Variants in KCNJ5 observed in about 807,000 individuals in gnomAD.
The protein encoded by KCNJ5 is G protein-activated inward rectifier potassium channel 4.
Under a neutral mutation model 20.2 loss-of-function variants are expected in KCNJ5, and 12 were observed. The ratio of observed to expected loss-of-function variants is 0.59; its 90% CI spans 0.38 to 0.96. KCNJ5 has a LOEUF of 0.96. KCNJ5 is among the 40% of genes least tolerant of loss of function. KCNJ5 has a pLI of 0.00. For synonymous variants in KCNJ5, 210 were observed against 213.9 expected, an observed-to-expected ratio of 0.98 and a Z score of 0.16; for missense variants, 449 against 557.6, an observed-to-expected ratio of 0.81 and a Z score of 1.96.
At chr11:128,899,608 A>C (rs1167289003) in intron 1 of KCNJ5, 1 of 152,208 alleles carries the variant, frequency 6.6e-6, no homozygotes, top group Non-Finnish European at 1.5e-5. Flanking sequence ...TTTATTATTT[A>C]ATGTGGAATA....
At chr11:128,896,808 AGGT>A (rs1476241012) in intron 1 of KCNJ5, among the ~76,000 whole-genome samples, 2 of 152,204 alleles carry the variant, frequency 1.3e-5, no homozygotes, top group Non-Finnish European at 2.9e-5. Context: ...GTGTGAACAT[AGGT>A]ATACAGGTTT....
At position 128,911,106 on chromosome 11, in the gene KCNJ5, T is replaced by C. The variant is rs1446523798; in HGVS notation, c.-10-158T>C. On this transcript the variant is annotated intron_variant, in intron 1 of 2. Coordinates refer to ENST00000529694, the MANE Select transcript of KCNJ5 (RefSeq NM_000890.5). The surrounding 1 kb of genome is among the most constrained non-coding windows in gnomAD (Gnocchi z 6.3). ...GCACCAGGGATACAAAAGAACCCTA[T>C]AAGAGAGTGAGGCCCCTGCCCTTGA... is the stretch of plus-strand genomic sequence containing the variant. The C allele has an allele frequency of 6.0e-6, 4 of 662,364 alleles. No homozygotes were observed. The highest frequency in any genetic ancestry group is 5.4e-5 in the African/African-American group (3 of 55,482). The allele number at this position is 662,364 out of a possible 1,614,324, so 41.0% of individuals were successfully genotyped here. A position where few individuals can be genotyped will look rare whatever the true frequency, so the allele number is the denominator to read the frequency against.
Position 128,916,443 on chromosome 11 carries a change from TAC to T in KCNJ5, c.974_975del (p.Thr325ArgfsTer20), listed in dbSNP as rs1383662425. 6.2e-7 allele frequency: 1 copy of T among 1,614,230 alleles called. No individual in the cohort carries two copies. Among genetic ancestry groups the T allele is most frequent in the African/African-American group, 1.3e-5 (1 of 75,060 alleles). The part of the protein sequence containing the change: ...TCQARSSYMD[T>X]EVLWGHRFTP... ...GCCAAGCCCGGAGCTCCTACATGGA[TAC>T]AGAGGTGCTCTGGGGCCACCGATTC... On this transcript the variant is annotated frameshift_variant, in exon 3 of 3. Coordinates refer to ENST00000529694, the MANE Select transcript of KCNJ5 (RefSeq NM_000890.5). LOFTEE classifies it low-confidence loss of function (END_TRUNC).
chr11:128,908,856 G>A (rs1350819330), intron 1 of KCNJ5, among the ~76,000 whole-genome samples: 1 of 152,114 alleles, frequency 6.6e-6, no homozygotes, highest in African/African-American at 2.4e-5. Context: ...CAGAATACAC[G>A]GGGCCTCGGG....
chr11:128,901,248 C>G (rs1391749253), intron 1 of KCNJ5: 1 of 152,260 alleles, frequency 6.6e-6, no homozygotes, highest in East Asian at 1.9e-4. Flanking sequence ...GCCATGTGGT[C>G]TCTGGCAAGT....
chr11:128,905,081 G>A (rs185741793), intron 1 of KCNJ5, among the ~76,000 whole-genome samples: 47 of 152,368 alleles, frequency 3.1e-4, no homozygotes, highest in African/African-American at 9.6e-4. Context: ...GCCCCTGGGA[G>A]GATCCTGTCC....
rs1416780786 is a variant in KCNJ5, at chr11:128,916,763, T to C, written c.*32T>C. 2.0e-6 allele frequency: 3 copies of C among 1,499,724 alleles called. No homozygotes were observed. The Admixed American group carries it at 5.9e-5, about 30-fold the overall frequency. 92.9% of individuals were successfully genotyped at this position (1,499,724 alleles called of 1,614,324 possible). On this transcript the variant is annotated 3_prime_UTR_variant, in exon 3 of 3. Transcript: ENST00000529694. ...CAGCCTCCCTAAGACCTCCTGTCACTGGCTTCAGTGAACACAGACACTGCA... is the reference window on the plus strand; with the variant it reads ...CAGCCTCCCTAAGACCTCCTGTCACCGGCTTCAGTGAACACAGACACTGCA...
rs777592481 is a variant in KCNJ5 at position 128,912,108 on chromosome 11, G to A, written c.835G>A (p.Glu279Lys). The A allele has an allele frequency of 2.5e-6, 4 of 1,613,584 alleles. No individual in the cohort carries two copies. The highest frequency in any genetic ancestry group is 1.1e-5 in the South Asian group (1 of 91,076). ...FLVSPLIISHEINQKSPFWEM... is the reference protein window; with the variant it reads ...FLVSPLIISHKINQKSPFWEM... ...TGTGTCTCCTCTGATCATCTCCCAT[G>A]AGATCAACCAGAAGAGCCCTTTCTG... The change falls in exon 2 of 3, where the codon GAG (glutamate) becomes AAG (lysine). Residue 279 changes from glutamate to lysine, a missense_variant. Coordinates refer to ENST00000529694, the MANE Select transcript of KCNJ5 (RefSeq NM_000890.5).
chr11:128,897,922 T>TC (rs2135983908), intron 1 of KCNJ5, among the ~76,000 whole-genome samples: 1 of 152,348 alleles, frequency 6.6e-6, no homozygotes, highest in South Asian at 2.1e-4. Context: ...TCCACTGAAT[T>TC]CCTTTTGCAC....
Position 128,920,638 on chromosome 11 carries a change from C to G in KCNJ5, c.*3907C>G, listed in dbSNP as rs569700114. ...AGGCACTTGATTCTCAAAACACTGC[C>G]GAGAAGCTCTTACCAACGTGACAGT... On this transcript the variant is annotated 3_prime_UTR_variant, in exon 3 of 3. Transcript: ENST00000529694. The G allele has an allele frequency of 4.6e-5, 7 of 152,276 alleles. No homozygotes were observed. Among genetic ancestry groups the G allele is most frequent in the Non-Finnish European group, 1.0e-4 (7 of 68,070 alleles). 9.4% of individuals were successfully genotyped at this position (152,276 alleles called of 1,614,324 possible). A position where few individuals can be genotyped will look rare whatever the true frequency, so the allele number is the denominator to read the frequency against.
intron 1 of KCNJ5, chr11:128,901,456 T>G (rs148977347): frequency 6.6e-6 from 1 of 152,450 alleles, no homozygotes; most frequent in East Asian, 1.9e-4. Context: ...TACAAGCTGC[T>G]GCAGGCAATG....
intron 1 of KCNJ5, among the ~76,000 whole-genome samples, chr11:128,894,183 G>GTT (rs11322063): frequency 6.8e-6 from 1 of 147,736 alleles, no homozygotes. Flanking sequence ...CTTCTGCATT[G>GTT]TTTTTTTTTT....
chr11:128,897,170 T>A (rs1202964313), intron 1 of KCNJ5, among the ~76,000 whole-genome samples: 1 of 146,624 alleles, frequency 6.8e-6, no homozygotes, highest in African/African-American at 2.5e-5. Flanking sequence ...CAATCTCGGC[T>A]CACTGCAACC....
At chr11:128,901,756 C>G (rs941569377) in intron 1 of KCNJ5, 1 of 152,304 alleles carries the variant, frequency 6.6e-6, no homozygotes, top group Non-Finnish European at 1.5e-5. Context: ...GCGTCAGTGA[C>G]AGCTCCCCAG....
At chr11:128,910,428 C>T (rs1944478942) in intron 1 of KCNJ5, among the ~76,000 whole-genome samples, 2 of 152,334 alleles carry the variant, frequency 1.3e-5, no homozygotes, top group South Asian at 4.1e-4. Flanking sequence ...CAGATGGCTG[C>T]AGACTTCACA....
intron 1 of KCNJ5, chr11:128,901,376 T>C (rs35389724): frequency 0.16 from 24,543 of 151,566 alleles, 2,431 homozygotes; most frequent in Non-Finnish European, 0.23. Flanking sequence ...CAGTCCAGAG[T>C]AGTGCACGCA....
intron 2 of KCNJ5, among the ~76,000 whole-genome samples, chr11:128,915,862 G>T (rs1944569904): frequency 1.4e-5 from 1 of 70,496 alleles, no homozygotes; most frequent in African/African-American, 7.5e-5. Context: ...CGATTAGGTA[G>T]ATGAGTGGAT....
chr11:128,909,734 T>C lies in KCNJ5; in HGVS notation c.-10-1530T>C, dbSNP rs139797577. On this transcript the variant is annotated intron_variant, in intron 1 of 2. Coordinates refer to ENST00000529694, the MANE Select transcript of KCNJ5 (RefSeq NM_000890.5). ...TTCTCGATCAGGACAGATAAGTAAG[T>C]GGGGGTTCCTGGGGGACCCTATACC... is the stretch of plus-strand genomic sequence containing the variant. 1.2e-4 allele frequency: 19 copies of C among 152,274 alleles called. No homozygotes were observed. The East Asian group carries it at 3.3e-3, about 26-fold the overall frequency. The allele number at this position is 152,274 out of a possible 1,614,324, so 9.4% of individuals were successfully genotyped here.
At chr11:128,893,540 T>C (rs1944126461) in intron 1 of KCNJ5, among the ~76,000 whole-genome samples, 1 of 152,106 alleles carries the variant, frequency 6.6e-6, no homozygotes, top group Non-Finnish European at 1.5e-5. Flanking sequence ...ACTACCTAGC[T>C]CTCCAACAGA....
Sources: gnomAD v4.1 joint callset for allele counts (sites outside exome capture counted in the v4.1 genomes callset) on GRCh38, gnomAD v4.1.1 for gene constraint, Gnocchi (gnomAD v3.1) non-coding constraint, MANE v1.5 for transcripts, NCBI Gene and HGNC (gene_info 2026-07-23, HGNC 2026-07-21) for gene names.